Variants in NEK9 observed in about 807,000 individuals in gnomAD.
NEK9 encodes the protein serine/threonine-protein kinase Nek9.
Under a neutral mutation model 123.4 loss-of-function variants are expected in NEK9, and 75 were observed. The ratio of observed to expected loss-of-function variants is 0.61; its 90% CI spans 0.50 to 0.74. The LOEUF is 0.74. Among genes scored for constraint, NEK9 ranks in the 30% least tolerant of loss-of-function variants. NEK9 has a pLI of 0.00. For missense variants in NEK9, 952 were observed against 1,214.4 expected (o/e 0.78, Z 3.21); for synonymous variants, 438 against 458.7 (o/e 0.95, Z 0.58).
intron 1 of NEK9, among the ~76,000 whole-genome samples, chr14:75,124,823 A>G (rs1032885534): frequency 8.0e-5 from 12 of 150,938 alleles, no homozygotes; most frequent in African/African-American, 2.9e-4. Context: ...CTGTTGCCCA[A>G]ACTAGAGTGC....
In NEK9 at chr14:75,080,561, T is replaced by C. The variant is rs920363924; in HGVS notation, c.*4003A>G. ...TTATAAAGTTCATAAGGTTACACCA[T>C]AGGAGAAATTTCACGGGGAAACTCC... On this transcript the variant is annotated 3_prime_UTR_variant, in exon 22 of 22. Coordinates refer to ENST00000238616, the MANE Select transcript of NEK9 (RefSeq NM_033116.6). 6.6e-6 allele frequency: 1 copy of C among 152,014 alleles called. No individual in the cohort carries two copies. The highest frequency in any genetic ancestry group is 1.5e-5 in the Non-Finnish European group (1 of 68,022). The allele number at this position is 152,014 out of a possible 1,614,324, so 9.4% of individuals were successfully genotyped here.
chr14:75,087,052 T>C lies in NEK9; in HGVS notation c.2783A>G (p.Gln928Arg), dbSNP rs1894048727. The C allele has an allele frequency of 1.2e-6, 2 of 1,614,270 alleles. No homozygotes were observed. Among genetic ancestry groups the C allele is most frequent in the South Asian group, 1.1e-5 (1 of 91,090 alleles). The change falls in exon 21 of 22, where the codon CAG (glutamine) becomes CGG (arginine). Residue 928 changes from glutamine (Q) to arginine (R), a missense_variant. By Grantham distance (43) the Gln-to-Arg change is conservative. Transcript: ENST00000238616. ...TCCTTCTAATTTCTTGTTCAACTTCTGCAGTTGGGTAAAAATCTGGAGGTT... is the reference window on the plus strand; with the variant it reads ...TCCTTCTAATTTCTTGTTCAACTTCCGCAGTTGGGTAAAAATCTGGAGGTT... ...QENLQIFTQL[Q>R]KLNKKLEGGQ...
chr14:75,124,108 A>C lies in NEK9; in HGVS notation c.335T>G (p.Ile112Ser). The C allele has an allele frequency of 6.2e-7, 1 of 1,614,146 alleles. No individual in the cohort carries two copies. The highest frequency in any genetic ancestry group is 8.5e-7 in the Non-Finnish European group (1 of 1,179,960). ...ILALLQHDNI[I>S]AYYNHFMDNT... ...GTCCATGAAGTGATTGTAGTAGGCA[A>C]TAATGTTGTCGTGCTGCAGCAGTGC... Residue 112 changes from isoleucine to serine, a missense_variant, in exon 2 of 22, where the codon ATT becomes AGT. Ile to Ser is a moderately radical substitution (Grantham distance 142). Coordinates refer to ENST00000238616, the MANE Select transcript of NEK9 (RefSeq NM_033116.6).
At chr14:75,115,179 G>A (rs1283509694) in intron 6 of NEK9, among the ~76,000 whole-genome samples, 1 of 151,668 alleles carries the variant, frequency 6.6e-6, no homozygotes, top group Non-Finnish European at 1.5e-5. Flanking sequence ...GCAGTGACAC[G>A]ATCTCCACTC....
In NEK9 at chr14:75,084,117, C is replaced by G. The variant is rs1204478203; in HGVS notation, c.*447G>C. ...GACACTGGGCGGGCCACACCTGATT[C>G]CAGCCCACTCCAACTTTACACTTCT... is the stretch of plus-strand genomic sequence containing the variant. On this transcript the variant is annotated 3_prime_UTR_variant, in exon 22 of 22. Coordinates refer to ENST00000238616, the MANE Select transcript of NEK9 (RefSeq NM_033116.6). 1 of 185,280 alleles carries G rather than the reference C, an allele frequency of 5.4e-6. No homozygotes were observed. Among genetic ancestry groups the G allele is most frequent in the African/African-American group, 2.3e-5 (1 of 42,900 alleles). 11.5% of individuals were successfully genotyped at this position (185,280 alleles called of 1,614,324 possible).
intron 19 of NEK9, among the ~76,000 whole-genome samples, chr14:75,089,481 G>C (rs1325981638): frequency 6.6e-6 from 1 of 151,924 alleles, no homozygotes; most frequent in Non-Finnish European, 1.5e-5. Flanking sequence ...TGCCCGCCTT[G>C]GCCTCCCAAA....
chr14:75,092,714 C>G (rs1436543509), intron 18 of NEK9, among the ~76,000 whole-genome samples: 1 of 152,062 alleles, frequency 6.6e-6, no homozygotes, highest in Non-Finnish European at 1.5e-5. Flanking sequence ...GGAAATGAAA[C>G]TGAATTTTAA....
chr14:75,107,248 G>T, intron 11 of NEK9, 95 bp downstream of exon 11: 1 of 1,306,586 alleles, frequency 7.7e-7, no homozygotes, highest in Non-Finnish European at 1.1e-6. Context: ...TTTGTATACT[G>T]TCTTTTGTTT....
At chr14:75,093,597 G>A (rs575294861) in intron 18 of NEK9, among the ~76,000 whole-genome samples, 2 of 152,206 alleles carry the variant, frequency 1.3e-5, no homozygotes, top group South Asian at 4.1e-4. Flanking sequence ...GGGACTACAG[G>A]TGTGCACCAC....
At position 75,107,469 on chromosome 14, in the gene NEK9, T is replaced by C. The variant is rs1894817557; in HGVS notation, c.1201A>G (p.Lys401Glu). Residue 401 changes from lysine to glutamate, a missense_variant, in exon 11 of 22, where the codon AAA (lysine) becomes GAA (glutamate). Around this residue, in one of 4 missense-constraint regions of NEK9, gnomAD observed 698 missense variants for 875.6 expected, o/e 0.80. Coordinates refer to ENST00000238616, the MANE Select transcript of NEK9 (RefSeq NM_033116.6). The stretch of plus-strand genomic sequence containing the variant: ...CCATGGCCCAGCTGACCATGGAGTT[T>C]AGTGCCTCCTTGCATGTTCTGTGAA... ...YTWVNMQGGT[K>E]LHGQLGHGDK... 2 of 1,611,294 alleles carry C rather than the reference T, an allele frequency of 1.2e-6. No homozygotes were observed. Among genetic ancestry groups the C allele is most frequent in the Non-Finnish European group, 1.7e-6 (2 of 1,178,894 alleles).
At chr14:75,117,119 T>TA in intron 6 of NEK9, 76 bp downstream of exon 6, 4 of 1,472,998 alleles carry the variant, frequency 2.7e-6, no homozygotes, top group Non-Finnish European at 3.6e-6. Context: ...AGCCTGGGAA[T>TA]AGAGTTGATC....
At chr14:75,089,022 C>T (rs1049428100) in intron 19 of NEK9, among the ~76,000 whole-genome samples, 1 of 152,198 alleles carries the variant, frequency 6.6e-6, no homozygotes, top group Non-Finnish European at 1.5e-5. Context: ...TCACGCTCCT[C>T]AAATCACTAG....
intron 1 of NEK9, 88 bp from the exon 2 acceptor site, chr14:75,124,311 C>T (rs1014895882): frequency 4.9e-6 from 6 of 1,232,604 alleles, no homozygotes; most frequent in Admixed American, 2.0e-5. Flanking sequence ...AGAAGGAAAA[C>T]TTCCTAGAGG....
intron 14 of NEK9, among the ~76,000 whole-genome samples, chr14:75,102,686 T>C (rs1894627885): frequency 6.6e-6 from 1 of 152,170 alleles, no homozygotes; most frequent in African/African-American, 2.4e-5. Flanking sequence ...AAAGACACTC[T>C]CTCCAGCCTT....
Position 75,121,137 on chromosome 14 carries a change from G to T in NEK9, c.435C>A (p.Asp145Glu). The T allele has an allele frequency of 6.2e-7, 1 of 1,613,098 alleles. No individual in the cohort carries two copies. Among genetic ancestry groups the T allele is most frequent in the South Asian group, 1.1e-5 (1 of 91,038 alleles). The change falls in exon 3 of 22, where the codon GAC (aspartate) becomes GAA (glutamate). Residue 145 changes from aspartate to glutamate, a missense_variant. This residue lies in a region of NEK9 where 106 missense variants were observed against 153.0 expected (regional missense o/e 0.69). Transcript: ENST00000238616. ...NLYDKILRQK[D>E]KLFEEEMVVW... ...GAATTACCTCTTCCTCAAACAACTT[G>T]TCCTTCTGACGAAGGATTTTGTCAT... is the stretch of plus-strand genomic sequence containing the variant.
At chr14:75,114,135 C>T in intron 7 of NEK9, 68 bp downstream of exon 7, 2 of 1,103,340 alleles carry the variant, frequency 1.8e-6, no homozygotes, top group Non-Finnish European at 2.8e-6. Flanking sequence ...TATAGCTATG[C>T]CATACACCAA....
intron 2 of NEK9, among the ~76,000 whole-genome samples, chr14:75,122,788 GCTT>G: frequency 9.1e-6 from 1 of 109,472 alleles, no homozygotes; most frequent in African/African-American, 3.9e-5. Context: ...ACCACGCCCA[GCTT>G]TTTTTTTTTT....
chr14:75,112,574 A>G (rs941416558), intron 8 of NEK9, among the ~76,000 whole-genome samples: 1 of 152,220 alleles, frequency 6.6e-6, no homozygotes, highest in East Asian at 1.9e-4. Flanking sequence ...CTGTAATCCC[A>G]ACACTTTGGG....
chr14:75,090,483 TCATA>T (rs1339264024), intron 19 of NEK9, among the ~76,000 whole-genome samples: 1 of 152,120 alleles, frequency 6.6e-6, no homozygotes, highest in Non-Finnish European at 1.5e-5. Context: ...AAGAATGAGA[TCATA>T]CAGATATATC....
Sources: allele counts gnomAD v4.1 joint callset (sites outside exome capture counted in the v4.1 genomes callset), GRCh38; gene constraint gnomAD v4.1.1; regional missense constraint gnomAD v4.1.1; transcripts MANE v1.5; gene names NCBI Gene and HGNC (gene_info 2026-07-23, HGNC 2026-07-21).